RAD52: variants seen among roughly 807,000 people sequenced by gnomAD.
RAD52 encodes RAD52 DNA repair protein, also known as DNA repair protein RAD52 homolog.
RAD52 carries 47 observed loss-of-function variants against 55.5 expected under a neutral mutation model. That is an observed-to-expected ratio of 0.85 (90% CI 0.67 to 1.08). The LOEUF is 1.08. RAD52 is among the 50% of genes least tolerant of loss of function. RAD52 has a pLI of 0.00. For missense variants in RAD52, 468 were observed against 522.8 expected, an observed-to-expected ratio of 0.90 and a Z score of 1.02; for synonymous variants, 184 against 198.9, an observed-to-expected ratio of 0.92 and a Z score of 0.63.
chr12:988,653 G>C (rs111346743), intron 1 of RAD52, among the ~76,000 whole-genome samples: 30 of 152,302 alleles, frequency 2.0e-4, no homozygotes, highest in African/African-American at 7.0e-4. Context: ...TGGCGGAGAA[G>C]GTCAAGGAAA....
chr12:947,706 G>A (rs1302986076), intron 1 of RAD52, among the ~76,000 whole-genome samples: 1 of 150,672 alleles, frequency 6.6e-6, no homozygotes, highest in Non-Finnish European at 1.5e-5. Context: ...GGCCAACATG[G>A]TGAAACCCTG....
chr12:953,744 C>T (rs979887843), upstream of RAD52, among the ~76,000 whole-genome samples: 4 of 152,216 alleles, frequency 2.6e-5, no homozygotes, highest in East Asian at 1.9e-4. Flanking sequence ...TCTAATCCAT[C>T]GTGCCTGCCT....
At chr12:935,834 CAA>C (rs995627655) in intron 1 of RAD52, among the ~76,000 whole-genome samples, 3 of 150,620 alleles carry the variant, frequency 2.0e-5, no homozygotes, top group Non-Finnish European at 3.0e-5. Flanking sequence ...GCCTGGGAAA[CAA>C]GAGTGAAACT....
Position 930,202 on chromosome 12 carries a change from G to A in RAD52, c.187-58C>T, listed in dbSNP as rs1284575906. On this transcript the variant is annotated intron_variant, in intron 3 of 11. Coordinates refer to ENST00000358495, the MANE Select transcript of RAD52 (RefSeq NM_134424.4). Reference sequence around the variant, plus strand: ...TGTTAATTCCTTACCACACTTAAATGTGAATCAAAATTGACATAATTTATT... The same window carrying A: ...TGTTAATTCCTTACCACACTTAAATATGAATCAAAATTGACATAATTTATT... 6.1e-6 allele frequency: 8 copies of A among 1,307,090 alleles called. No homozygotes were observed. In the East Asian group the frequency reaches 1.6e-4, roughly 27 times the overall value. 81.0% of individuals were successfully genotyped at this position (1,307,090 alleles called of 1,614,324 possible).
At chr12:970,433 A>G (rs1157213902) in intron 1 of RAD52, among the ~76,000 whole-genome samples, 1 of 152,142 alleles carries the variant, frequency 6.6e-6, no homozygotes, top group African/African-American at 2.4e-5. Flanking sequence ...TATGTAGCAC[A>G]ATCTTAGGCA....
intron 1 of RAD52, among the ~76,000 whole-genome samples, chr12:948,011 G>A (rs970852767): frequency 1.7e-4 from 21 of 120,220 alleles, no homozygotes; most frequent in Admixed American, 1.4e-3. Context: ...AAATGTCTGT[G>A]CCTCAGACTG....
At chr12:934,091 C>CT (rs1051995368) in intron 1 of RAD52, among the ~76,000 whole-genome samples, 11 of 135,574 alleles carry the variant, frequency 8.1e-5, no homozygotes, top group African/African-American at 3.1e-4. Context: ...GACAGAGTGT[C>CT]TGACTCTGTC....
chr12:955,352 T>C (rs555267841), intron 1 of RAD52, among the ~76,000 whole-genome samples: 23 of 152,332 alleles, frequency 1.5e-4, no homozygotes, highest in Non-Finnish European at 2.8e-4. Context: ...GTTTAGTGTG[T>C]GCCGACTGTG....
At chr12:990,898 C>T (rs1240460153), upstream of RAD52, among the ~76,000 whole-genome samples, 1 of 151,854 alleles carries the variant, frequency 6.6e-6, no homozygotes, top group African/African-American at 2.4e-5. Flanking sequence ...GCTCGCGGAG[C>T]CGACCCCGGC....
intron 1 of RAD52, among the ~76,000 whole-genome samples, chr12:972,626 C>T (rs1039132310): frequency 1.3e-5 from 2 of 151,896 alleles, no homozygotes; most frequent in African/African-American, 2.4e-5. Flanking sequence ...ATTAGCCGGG[C>T]GTGGTGGCGG....
At chr12:965,361 C>T (rs767999738) in intron 1 of RAD52, among the ~76,000 whole-genome samples, 17 of 151,964 alleles carry the variant, frequency 1.1e-4, no homozygotes, top group South Asian at 2.1e-4. Context: ...TTAACAAGTA[C>T]GACTGCTTTG....
At chr12:958,952 A>G (rs1010298186) in intron 1 of RAD52, among the ~76,000 whole-genome samples, 1 of 152,116 alleles carries the variant, frequency 6.6e-6, no homozygotes, top group African/African-American at 2.4e-5. Flanking sequence ...TCAGGGGATA[A>G]AGTATTCTTT....
At chr12:985,580 T>C (rs921816557) in intron 1 of RAD52, among the ~76,000 whole-genome samples, 1 of 152,258 alleles carries the variant, frequency 6.6e-6, no homozygotes, top group Non-Finnish European at 1.5e-5. Flanking sequence ...AGGTCTTTGA[T>C]TCATTTTGAA....
At chr12:958,246 G>C (rs886512768) in intron 1 of RAD52, among the ~76,000 whole-genome samples, 1 of 152,096 alleles carries the variant, frequency 6.6e-6, no homozygotes, top group Non-Finnish European at 1.5e-5. Flanking sequence ...ACAGGGTTTC[G>C]CTTTTGTCGC....
chr12:934,888 G>A (rs1396107359), intron 1 of RAD52, among the ~76,000 whole-genome samples: 6 of 151,996 alleles, frequency 3.9e-5, no homozygotes, highest in East Asian at 1.9e-4. Flanking sequence ...CAAAGCAGGC[G>A]GATCACCTGA....
At chr12:917,979 C>A (rs796784223) in intron 7 of RAD52, among the ~76,000 whole-genome samples, 38 of 152,062 alleles carry the variant, frequency 2.5e-4, no homozygotes, top group African/African-American at 8.9e-4. Flanking sequence ...GAAAGACTGG[C>A]GATACCAAGT....
At chr12:963,627 A>C (rs1958716840) in intron 1 of RAD52, among the ~76,000 whole-genome samples, 2 of 152,134 alleles carry the variant, frequency 1.3e-5, no homozygotes, top group Admixed American at 1.3e-4. Flanking sequence ...TCTATCAGGA[A>C]TTTAAAAATT....
At chr12:949,823 C>T (rs929439948), upstream of RAD52, 3 of 152,218 alleles carry the variant, frequency 2.0e-5, no homozygotes, top group Admixed American at 2.0e-4. Context: ...GCCGCAAAGC[C>T]TTCTGCGGCA....
intron 1 of RAD52, among the ~76,000 whole-genome samples, chr12:970,740 T>C (rs1228969393): frequency 4.6e-5 from 7 of 152,082 alleles, no homozygotes; most frequent in African/African-American, 1.2e-4. Context: ...AAGTAGGCGG[T>C]CCATGAGACA....
Sources: gnomAD v4.1 joint callset for allele counts (sites outside exome capture counted in the v4.1 genomes callset) on GRCh38, gnomAD v4.1.1 for gene constraint, MANE v1.5 for transcripts, NCBI Gene and HGNC (gene_info 2026-07-23, HGNC 2026-07-21) for gene names.